Variants in F13A1 observed in about 807,000 individuals in gnomAD.
F13A1 encodes coagulation factor XIII A chain.
A neutral mutation model predicts 80.1 loss-of-function variants in F13A1; 47 were observed. That is an observed-to-expected ratio of 0.59 (90% CI 0.46 to 0.75). The LOEUF (loss-of-function observed/expected upper bound fraction) is 0.75. Among genes scored for constraint, F13A1 ranks in the 30% least tolerant of loss-of-function variants. The pLI, the probability that F13A1 is intolerant of heterozygous loss-of-function variation, is 0.00. For synonymous variants in F13A1, 349 were observed against 344.9 expected (o/e 1.01, Z -0.13); for missense variants, 817 against 930.4 (o/e 0.88, Z 1.59).
At chr6:6,274,876 T>A (rs1003219788) in intron 3 of F13A1, among the ~76,000 whole-genome samples, 1 of 151,920 alleles carries the variant, frequency 6.6e-6, no homozygotes, top group African/African-American at 2.4e-5. Flanking sequence ...ACTGAGGGAA[T>A]AAGGAAAGGA....
chr6:6,153,826 C>A (rs760280104), intron 13 of F13A1, among the ~76,000 whole-genome samples: 5 of 152,152 alleles, frequency 3.3e-5, no homozygotes, highest in Non-Finnish European at 5.9e-5. Context: ...ATAAGCCTCA[C>A]AACACAAGGG....
intron 8 of F13A1, among the ~76,000 whole-genome samples, chr6:6,210,641 G>A (rs988178250): frequency 2.0e-5 from 3 of 151,904 alleles, no homozygotes; most frequent in African/African-American, 7.3e-5. Flanking sequence ...TGATCCACCT[G>A]CCTCAGCCTC....
At position 6,151,879 on chromosome 6, in the gene F13A1, G is replaced by A; in HGVS notation, c.1979C>T (p.Thr660Ile). Reference sequence around the variant, plus strand: ...CAGGTGTACCCAGACATTTCGCAGGGTTTCTTTTAAAGGATTGGTAAACTC... The same window carrying A: ...CAGGTGTACCCAGACATTTCGCAGGATTTCTTTTAAAGGATTGGTAAACTC... ...TVEFTNPLKE[T>I]LRNVWVHLDG... The change falls in exon 14 of 15, where the codon ACC (threonine) becomes ATC (isoleucine). Residue 660 changes from threonine (T) to isoleucine (I), a missense_variant. Transcript: ENST00000264870. 6 of 1,614,068 alleles carry A rather than the reference G, an allele frequency of 3.7e-6. No homozygotes were observed. Among genetic ancestry groups the A allele is most frequent in the East Asian group, 2.2e-5 (1 of 44,880 alleles).
chr6:6,238,750 A>G (rs1196489096), intron 6 of F13A1, among the ~76,000 whole-genome samples: 1 of 151,364 alleles, frequency 6.6e-6, no homozygotes, highest in Non-Finnish European at 1.5e-5. Flanking sequence ...TAAATGTATT[A>G]AAAGATGCTC....
chr6:6,244,824 TC>T (rs1488972776), intron 6 of F13A1, among the ~76,000 whole-genome samples: 2 of 152,196 alleles, frequency 1.3e-5, no homozygotes, highest in African/African-American at 4.8e-5. Context: ...GTCCAATCCC[TC>T]GACACGAGCT....
intron 3 of F13A1, among the ~76,000 whole-genome samples, chr6:6,302,586 G>A (rs1356340183): frequency 2.6e-5 from 4 of 152,144 alleles, no homozygotes; most frequent in African/African-American, 9.7e-5. Flanking sequence ...ACCATGAATG[G>A]AACGTGCAGG....
At chr6:6,150,494 T>A (rs553862443) in intron 14 of F13A1, among the ~76,000 whole-genome samples, 14 of 152,362 alleles carry the variant, frequency 9.2e-5, no homozygotes, top group Non-Finnish European at 1.6e-4. Flanking sequence ...AATGATGAGA[T>A]GCAGAAGCTA....
At chr6:6,273,578 A>G (rs1009295028) in intron 3 of F13A1, among the ~76,000 whole-genome samples, 62 of 152,222 alleles carry the variant, frequency 4.1e-4, no homozygotes, top group Non-Finnish European at 4.8e-4. Context: ...TAAGGAACAC[A>G]GGAATCTATC....
rs1393523678 is a variant in F13A1, at chr6:6,248,342, G to A, written c.768C>T (p.Pro256=). Residue 256 remains proline, a synonymous_variant, in exon 6 of 15, where the codon CCC becomes CCT. Transcript: ENST00000264870. ...AQMDLSGRGN[P]IKVSRVGSAM... ...CAGACCCCACACGGCTGACTTTGAT[G>A]GGATTCCCTCTTCCAGAGAGGTCCA... 6.8e-6 allele frequency: 11 copies of A among 1,613,836 alleles called. No individual in the cohort carries two copies. Among genetic ancestry groups the A allele is most frequent in the Non-Finnish European group, 9.3e-6 (11 of 1,179,842 alleles).
chr6:6,225,500 TTCTCTC>T (rs149464781), intron 6 of F13A1, among the ~76,000 whole-genome samples: 2 of 145,942 alleles, frequency 1.4e-5, no homozygotes, highest in Admixed American at 6.7e-5. Context: ...TTCTTTTCTT[TTCTCTC>T]TCTCTCTCTC....
At position 6,213,407 on chromosome 6, in the gene F13A1, A is replaced by T. The variant is rs551102455; in HGVS notation, c.1112+8626T>A. Among the ~76,000 whole-genome samples the T allele has an allele frequency of 1.6e-4, 24 of 152,288 alleles. No individual in the cohort carries two copies. The South Asian group carries it at 4.8e-3, about 30-fold the overall frequency. On this transcript the variant is annotated intron_variant, in intron 8 of 14. Transcript: ENST00000264870. Reference sequence around the variant, plus strand: ...CTTAAAGAAAGAATTTTCAACCCCGAATTTCATATCCAGCCAAACTAAGCT... The same window carrying T: ...CTTAAAGAAAGAATTTTCAACCCCGTATTTCATATCCAGCCAAACTAAGCT...
At chr6:6,267,753 G>T (rs1313591009) in intron 3 of F13A1, among the ~76,000 whole-genome samples, 2 of 151,998 alleles carry the variant, frequency 1.3e-5, no homozygotes, top group Non-Finnish European at 2.9e-5. Flanking sequence ...AAAAAAATAA[G>T]GGATGAAAGG....
At chr6:6,275,950 G>C (rs545561691) in intron 3 of F13A1, among the ~76,000 whole-genome samples, 37 of 152,322 alleles carry the variant, frequency 2.4e-4, no homozygotes, top group Middle Eastern at 3.4e-3. Flanking sequence ...CTACAATGTA[G>C]ACAAAGTTGG....
At chr6:6,202,468 T>C (rs1761413829) in intron 8 of F13A1, among the ~76,000 whole-genome samples, 1 of 152,234 alleles carries the variant, frequency 6.6e-6, no homozygotes, top group African/African-American at 2.4e-5. Context: ...AAATAAATCA[T>C]GAGGACATCT....
At position 6,243,248 on chromosome 6, in the gene F13A1, C is replaced by G. The variant is rs1283306051; in HGVS notation, c.798+5064G>C. 6.6e-6 allele frequency among the ~76,000 whole-genome samples: 1 copy of G among 151,450 alleles called. No individual in the cohort carries two copies. Among genetic ancestry groups the G allele is most frequent in the Non-Finnish European group, 1.5e-5 (1 of 67,890 alleles). ...TCACCGTCACCATCTCCACCACCAC[C>G]ATCACCATCATCATCACTATCACCA... On this transcript the variant is annotated intron_variant, in intron 6 of 14. Transcript: ENST00000264870. The surrounding 1 kb of genome is among the most constrained non-coding windows in gnomAD (Gnocchi z 4.2).
At position 6,256,309 on chromosome 6, in the gene F13A1, C is replaced by G. The variant is rs1370215175; in HGVS notation, c.572-5380G>C. Among the ~76,000 whole-genome samples the G allele has an allele frequency of 1.3e-5, 2 of 152,080 alleles. 1 individual carries two copies. The highest frequency in any genetic ancestry group is 4.1e-4 in the South Asian group (2 of 4,824). ...GGGGAGAAATAAGGTCTAGACAGCT[C>G]CCAGAGTAGGAGCGGCTGCACCTTG... On this transcript the variant is annotated intron_variant, in intron 4 of 14. Coordinates refer to ENST00000264870, the MANE Select transcript of F13A1 (RefSeq NM_000129.4).
At chr6:6,177,943 C>T (rs1201109327) in intron 11 of F13A1, among the ~76,000 whole-genome samples, 1 of 148,398 alleles carries the variant, frequency 6.7e-6, no homozygotes, top group Admixed American at 6.9e-5. Flanking sequence ...CATACAATAC[C>T]TGTGGGGGCA....
At chr6:6,200,303 A>C (rs1489380990) in intron 8 of F13A1, among the ~76,000 whole-genome samples, 1 of 152,092 alleles carries the variant, frequency 6.6e-6, no homozygotes, top group Admixed American at 6.5e-5. Context: ...ACAGTGGCTC[A>C]CACCAGTAAT....
rs115829016 is a variant in F13A1, at chr6:6,202,932, A to C, written c.1113-5606T>G. ...ACCATCCCCTGCTGGGGGACCCTACATGGGACGTCATAGTTTATGTTGTGA... is the reference window on the plus strand; with the variant it reads ...ACCATCCCCTGCTGGGGGACCCTACCTGGGACGTCATAGTTTATGTTGTGA... On this transcript the variant is annotated intron_variant, in intron 8 of 14. Coordinates refer to ENST00000264870, the MANE Select transcript of F13A1 (RefSeq NM_000129.4). Among the ~76,000 whole-genome samples the C allele has an allele frequency of 3.1e-3, 479 of 152,358 alleles. 2 individuals carry two copies. The highest frequency in any genetic ancestry group is 9.1e-3 in the African/African-American group (380 of 41,578).
Sources: gnomAD v4.1 joint callset for allele counts (sites outside exome capture counted in the v4.1 genomes callset) on GRCh38, gnomAD v4.1.1 for gene constraint, Gnocchi (gnomAD v3.1) non-coding constraint, MANE v1.5 for transcripts, NCBI Gene and HGNC (gene_info 2026-07-23, HGNC 2026-07-21) for gene names.